Variants in STN1 observed in about 807,000 individuals in gnomAD.
The protein encoded by STN1 is CST complex subunit STN1.
In STN1, 29 loss-of-function variants were observed where a neutral mutation model predicts 45.5. The ratio of observed to expected loss-of-function variants is 0.64; its 90% CI spans 0.47 to 0.87. The LOEUF (loss-of-function observed/expected upper bound fraction) is 0.87, where lower values mean the gene tolerates loss of function less well. STN1 is among the 40% of genes least tolerant of loss of function. The pLI, the probability that STN1 is intolerant of heterozygous loss-of-function variation, is 0.00. For synonymous variants in STN1, 148 were observed against 159.0 expected, an observed-to-expected ratio of 0.93 and a Z score of 0.52; for missense variants, 376 against 441.4, an observed-to-expected ratio of 0.85 and a Z score of 1.33.
At chr10:103,912,527 C>A (rs998909396) in intron 2 of STN1, among the ~76,000 whole-genome samples, 2 of 152,188 alleles carry the variant, frequency 1.3e-5, no homozygotes, top group South Asian at 2.1e-4. Flanking sequence ...CAAGGGCAGG[C>A]TTCCTTATGG....
chr10:103,910,599 G>A lies in STN1; in HGVS notation c.157C>T (p.Pro53Ser). ...VPGVFLYNGH[P>S]IKQVDVLGTV... is the part of the protein sequence containing the mutation. ...CCCAAGACATCTACCTGTTTTATTG[G>A]ATGTCCATTGTACAAAAATACACCT... The change falls in exon 3 of 10, where the codon CCA becomes TCA. Residue 53 changes from proline to serine, a missense_variant. By Grantham distance (74) the Pro-to-Ser change is moderately conservative. Transcript: ENST00000224950. The A allele has an allele frequency of 6.2e-7, 1 of 1,606,736 alleles. No individual in the cohort carries two copies.
intron 7 of STN1, 144 bp downstream of exon 7, chr10:103,897,404 T>C (rs541052180): frequency 2.6e-5 from 19 of 727,888 alleles, no homozygotes; most frequent in African/African-American, 2.1e-4. Flanking sequence ...CTTTCCAGAA[T>C]AGAAATAATG....
In STN1 at chr10:103,881,690, G is replaced by A. The variant is rs1843070067; in HGVS notation, c.*994C>T. Reference sequence around the variant, plus strand: ...GCAGCAGACGAAGGCAGTGCCTTCTGTGAAATGACTGTAATTAACTCCAAA... The same window carrying A: ...GCAGCAGACGAAGGCAGTGCCTTCTATGAAATGACTGTAATTAACTCCAAA... On this transcript the variant is annotated 3_prime_UTR_variant, in exon 10 of 10. Coordinates refer to ENST00000224950, the MANE Select transcript of STN1 (RefSeq NM_024928.5). Among the ~76,000 whole-genome samples the A allele has an allele frequency of 6.6e-6, 1 of 152,218 alleles. No homozygotes were observed. The highest frequency in any genetic ancestry group is 2.4e-5 in the African/African-American group (1 of 41,450).
rs1564635156 is a variant in STN1 at position 103,909,496 on chromosome 10, G to GTGTA, written c.229+1030_229+1031insTACA. Reference sequence around the variant, plus strand: ...TATATATGTATATATATGTGTGTGTGTATATGTATATATGTATATATGTAT... The same window carrying GTGTA: ...TATATATGTATATATATGTGTGTGTGTGTATATATGTATATATGTATATATGTAT... On this transcript the variant is annotated intron_variant, in intron 3 of 9. Coordinates refer to ENST00000224950, the MANE Select transcript of STN1 (RefSeq NM_024928.5). Among the ~76,000 whole-genome samples the GTGTA allele has an allele frequency of 1.5e-3, 112 of 77,142 alleles. 28 individuals are homozygous for GTGTA. Among genetic ancestry groups the GTGTA allele is most frequent in the Middle Eastern group, 0.014 (2 of 140 alleles). The allele number at this position is 77,142 out of a possible 152,430, so 50.6% of individuals were successfully genotyped here. A position where few individuals can be genotyped will look rare whatever the true frequency, so the allele number is the denominator to read the frequency against.
chr10:103,916,821 A>G (rs1258958806), intron 2 of STN1, among the ~76,000 whole-genome samples: 2 of 151,772 alleles, frequency 1.3e-5, no homozygotes, highest in East Asian at 3.9e-4. Context: ...TTTAAACTTT[A>G]CATGTATAAT....
At chr10:103,894,659 A>G (rs2134362806) in intron 7 of STN1, among the ~76,000 whole-genome samples, 1 of 151,330 alleles carries the variant, frequency 6.6e-6, no homozygotes, top group African/African-American at 2.4e-5. Context: ...TGACAGACTC[A>G]TCAGATTTAG....
At chr10:103,914,355 TA>T (rs1564636092) in intron 2 of STN1, among the ~76,000 whole-genome samples, 565 of 33,140 alleles carry the variant, frequency 0.017, 27 homozygotes, top group East Asian at 0.051. Flanking sequence ...TATATATATA[TA>T]TATATATATA....
rs1843070362 is a variant in STN1, at chr10:103,881,753, C to A, written c.*931G>T. Among the ~76,000 whole-genome samples the A allele has an allele frequency of 6.6e-6, 1 of 152,218 alleles. No homozygotes were observed. Among genetic ancestry groups the A allele is most frequent in the African/African-American group, 2.4e-5 (1 of 41,448 alleles). On this transcript the variant is annotated 3_prime_UTR_variant, in exon 10 of 10. Coordinates refer to ENST00000224950, the MANE Select transcript of STN1 (RefSeq NM_024928.5). ...CTTTATTTTTGCTGGCTGGATTTGTCATTTTGCTGTCAGAACAGGCCTACA... is the reference window on the plus strand; with the variant it reads ...CTTTATTTTTGCTGGCTGGATTTGTAATTTTGCTGTCAGAACAGGCCTACA...
intron 9 of STN1, among the ~76,000 whole-genome samples, chr10:103,883,382 C>G (rs1196206777): frequency 6.6e-6 from 1 of 151,936 alleles, no homozygotes; most frequent in Non-Finnish European, 1.5e-5. Context: ...GGTTGTATTC[C>G]TAGTAACCTC....
Position 103,880,083 on chromosome 10 carries a change from G to A in STN1, c.*2601C>T, listed in dbSNP as rs1843058492. 6.6e-6 allele frequency among the ~76,000 whole-genome samples: 1 copy of A among 152,236 alleles called. No individual in the cohort carries two copies. Among genetic ancestry groups the A allele is most frequent in the Admixed American group, 6.5e-5 (1 of 15,288 alleles). ...TGGGCCAAGTATGGCTTCCACACTG[G>A]TTGAGTTCTTGCCCAGCACCAAAGA... On this transcript the variant is annotated 3_prime_UTR_variant, in exon 10 of 10. Coordinates refer to ENST00000224950, the MANE Select transcript of STN1 (RefSeq NM_024928.5).
In STN1 at chr10:103,882,349, G is replaced by C. The variant is rs897370752; in HGVS notation, c.*335C>G. Among the ~76,000 whole-genome samples, 1 of 152,226 alleles carries C rather than the reference G, an allele frequency of 6.6e-6. No individual in the cohort carries two copies. The highest frequency in any genetic ancestry group is 1.5e-5 in the Non-Finnish European group (1 of 68,044). On this transcript the variant is annotated 3_prime_UTR_variant, in exon 10 of 10. Coordinates refer to ENST00000224950, the MANE Select transcript of STN1 (RefSeq NM_024928.5). Reference sequence around the variant, plus strand: ...CCTGTGGTGTCCCTTTGCCATGGAAGAGACTCCAACCACACACATCAGTTA... The same window carrying C: ...CCTGTGGTGTCCCTTTGCCATGGAACAGACTCCAACCACACACATCAGTTA...
intron 4 of STN1, among the ~76,000 whole-genome samples, chr10:103,903,768 A>C (rs1391686105): frequency 6.6e-6 from 1 of 152,210 alleles, no homozygotes. Flanking sequence ...CAGCAGCACA[A>C]AACAGATTAA....
intron 7 of STN1, among the ~76,000 whole-genome samples, chr10:103,896,840 G>A (rs764552293): frequency 7.9e-5 from 12 of 151,908 alleles, no homozygotes; most frequent in African/African-American, 2.4e-4. Context: ...CTGGCCCCTC[G>A]TTACTTAATC....
At chr10:103,917,411 G>T in intron 2 of STN1, 51 bp downstream of exon 2, 1 of 1,571,874 alleles carries the variant, frequency 6.4e-7, no homozygotes, top group Non-Finnish European at 8.6e-7. Flanking sequence ...GAGACTTTGG[G>T]AAAGGGTGGC....
At chr10:103,892,502 C>A (rs1175444783) in intron 7 of STN1, among the ~76,000 whole-genome samples, 6 of 151,458 alleles carry the variant, frequency 4.0e-5, no homozygotes, top group Admixed American at 2.0e-4. Context: ...ATGAACTCAA[C>A]ACTCCATAGT....
Position 103,877,883 on chromosome 10 carries a change from G to GT in STN1, c.*4800dup, listed in dbSNP as rs140665567. 1.3e-3 allele frequency: 205 copies of GT among 152,340 alleles called. No individual in the cohort carries two copies. The highest frequency in any genetic ancestry group is 4.7e-3 in the African/African-American group (197 of 41,572). The allele number at this position is 152,340 out of a possible 1,614,324, so 9.4% of individuals were successfully genotyped here. A position where few individuals can be genotyped will look rare whatever the true frequency, so the allele number is the denominator to read the frequency against. ...TGCCTGTATGCTTCACATAAATGTAGTAAAAAAACAATGAGACGCTTCTTT... is the reference window on the plus strand; with the variant it reads ...TGCCTGTATGCTTCACATAAATGTAGTTAAAAAAACAATGAGACGCTTCTTT... On this transcript the variant is annotated 3_prime_UTR_variant, in exon 10 of 10. Coordinates refer to ENST00000224950, the MANE Select transcript of STN1 (RefSeq NM_024928.5).
At chr10:103,899,990 C>T in intron 5 of STN1, 72 bp downstream of exon 5, 1 of 1,471,768 alleles carries the variant, frequency 6.8e-7, no homozygotes, top group Admixed American at 1.8e-5. Flanking sequence ...GTTTGACTTC[C>T]AGCTGAACAA....
intron 8 of STN1, among the ~76,000 whole-genome samples, chr10:103,889,581 G>GA (rs35804344): frequency 0.024 from 2,641 of 111,562 alleles, 32 homozygotes; most frequent in African/African-American, 0.056. Context: ...AATAAAAGGA[G>GA]AAAAAAAAAA....
chr10:103,898,726 G>T, intron 6 of STN1, 151 bp downstream of exon 6: 1 of 741,698 alleles, frequency 1.3e-6, no homozygotes, highest in Non-Finnish European at 2.2e-6. Context: ...GGAAATTGAA[G>T]CATAGAGAGG....
Sources: gnomAD v4.1 joint callset for allele counts (sites outside exome capture counted in the v4.1 genomes callset) on GRCh38, gnomAD v4.1.1 for gene constraint, MANE v1.5 for transcripts, NCBI Gene and HGNC (gene_info 2026-07-23, HGNC 2026-07-21) for gene names.